The following PCDHGA9 variants were observed in gnomAD, a reference collection of about 807,000 sequenced individuals.
The protein encoded by PCDHGA9 is protocadherin gamma subfamily A, 9.
Under a neutral mutation model 62.5 loss-of-function variants are expected in PCDHGA9, and 37 were observed. The ratio of observed to expected loss-of-function variants is 0.59; its 90% CI spans 0.46 to 0.78. The LOEUF is 0.78. Ranked by LOEUF, PCDHGA9 falls within the 30% of genes least tolerant of loss-of-function variation. The pLI is 0.00. For synonymous variants in PCDHGA9, 459 were observed against 484.6 expected (o/e 0.95, Z 0.69); for missense variants, 1,138 against 1,166.2 (o/e 0.98, Z 0.35).
chr5:141,445,621 G>A (rs1216813961), intron 1 of PCDHGA9, among the ~76,000 whole-genome samples: 4 of 151,996 alleles, frequency 2.6e-5, no homozygotes, highest in African/African-American at 7.2e-5. Flanking sequence ...TCTTTTTTTC[G>A]GAAAGTGATA....
chr5:141,413,748 T>C (rs1264580781), intron 1 of PCDHGA9: 2 of 1,613,288 alleles, frequency 1.2e-6, no homozygotes, highest in Non-Finnish European at 1.7e-6. Context: ...GCCGTGCCAA[T>C]GGCGTCAAGT....
chr5:141,422,746 T>G (rs763386007), intron 1 of PCDHGA9: 1 of 1,611,014 alleles, frequency 6.2e-7, no homozygotes, highest in Non-Finnish European at 8.5e-7. Context: ...CTCCTATGTC[T>G]CTATTAACTC....
At chr5:141,478,050 C>T (rs2099429383) in intron 1 of PCDHGA9, 1 of 1,614,066 alleles carries the variant, frequency 6.2e-7, no homozygotes, top group Non-Finnish European at 8.5e-7. Flanking sequence ...CAGACTCTCA[C>T]GGTCTTGATC....
At position 141,490,162 on chromosome 5, in the gene PCDHGA9, A is replaced by G. The variant is rs1371128858; in HGVS notation, c.2425-4645A>G. The G allele has an allele frequency of 1.2e-6, 2 of 1,614,218 alleles. No individual in the cohort carries two copies. The highest frequency in any genetic ancestry group is 1.7e-6 in the Non-Finnish European group (2 of 1,180,028). ...TGGGGCAATCCATGTGTTGGGTCCCATAGACTTTGAGGAGTCACGTTTCTA... is the reference window on the plus strand; with the variant it reads ...TGGGGCAATCCATGTGTTGGGTCCCGTAGACTTTGAGGAGTCACGTTTCTA... On this transcript the variant is annotated intron_variant, in intron 1 of 3. Transcript: ENST00000573521. This position sits in a 1 kb window ranked among gnomAD's most constrained non-coding sequence, Gnocchi z 5.4.
intron 1 of PCDHGA9, chr5:141,419,244 C>T (rs2096349736): frequency 1.2e-6 from 2 of 1,614,008 alleles, no homozygotes; most frequent in Non-Finnish European, 1.7e-6. Context: ...GTCCACGTGC[C>T]AGAAAACAAC....
chr5:141,421,927 C>T (rs1179128418), intron 1 of PCDHGA9: 2 of 1,613,396 alleles, frequency 1.2e-6, no homozygotes, highest in African/African-American at 2.7e-5. Flanking sequence ...TGTGGTGGTC[C>T]TCGATGTAAA....
chr5:141,403,214 G>A lies in PCDHGA9; in HGVS notation c.262G>A (p.Gly88Ser). The change falls in exon 1 of 4, where the codon GGT becomes AGT. Residue 88 changes from glycine to serine, a missense_variant. Coordinates refer to ENST00000573521, the MANE Select transcript of PCDHGA9 (RefSeq NM_018921.3). Reference protein sequence around the residue: ...NPRSGTLVTAGRIDREELCAQ... With the variant: ...NPRSGTLVTASRIDREELCAQ... ...GCGCAGCGGCACCTTGGTCACCGCGGGTAGGATAGACCGGGAGGAGCTCTG... is the reference window on the plus strand; with the variant it reads ...GCGCAGCGGCACCTTGGTCACCGCGAGTAGGATAGACCGGGAGGAGCTCTG... 3.1e-6 allele frequency: 5 copies of A among 1,613,990 alleles called. No individual in the cohort carries two copies. The highest frequency in any genetic ancestry group is 4.2e-6 in the Non-Finnish European group (5 of 1,179,926).
At chr5:141,418,899 T>C (rs1320380997) in intron 1 of PCDHGA9, 1 of 1,613,944 alleles carries the variant, frequency 6.2e-7, no homozygotes. Flanking sequence ...AGCCCAGAAA[T>C]AATCATCACG....
Position 141,489,492 on chromosome 5 carries a change from G to T in PCDHGA9, c.2425-5315G>T, listed in dbSNP as rs1258376136. On this transcript the variant is annotated intron_variant, in intron 1 of 3. Coordinates refer to ENST00000573521, the MANE Select transcript of PCDHGA9 (RefSeq NM_018921.3). The surrounding 1 kb of genome is among the most constrained non-coding windows in gnomAD (Gnocchi z 4.5). ...CCCTGAGCTTGATGAGTGGTGCCCT[G>T]GCAGTGAATCAAAAGATTGACCGAG... 1 of 1,614,042 alleles carries T rather than the reference G, an allele frequency of 6.2e-7. No individual in the cohort carries two copies. The highest frequency in any genetic ancestry group is 1.1e-5 in the South Asian group (1 of 91,078).
chr5:141,422,074 C>T (rs886758924), intron 1 of PCDHGA9: 8 of 1,612,146 alleles, frequency 5.0e-6, no homozygotes, highest in African/African-American at 4.0e-5. Context: ...GTATTCATTT[C>T]GGAACATGGA....
intron 1 of PCDHGA9, chr5:141,424,478 G>A (rs953233220): frequency 3.3e-5 from 5 of 151,898 alleles, no homozygotes; most frequent in Admixed American, 6.6e-5. Context: ...CTTTTACTTT[G>A]GTGTCTGTGT....
intron 1 of PCDHGA9, chr5:141,479,313 G>C (rs926148640): frequency 2.0e-5 from 3 of 152,456 alleles, no homozygotes; most frequent in Non-Finnish European, 2.9e-5. Context: ...AAAACATAAA[G>C]TAGCCAGACT....
chr5:141,421,592 T>C (rs1590304832), intron 1 of PCDHGA9: 1 of 1,613,272 alleles, frequency 6.2e-7, no homozygotes, highest in Non-Finnish European at 8.5e-7. Context: ...GGAGTGGAGG[T>C]GGAAATAATA....
intron 1 of PCDHGA9, among the ~76,000 whole-genome samples, chr5:141,436,122 C>T (rs909678739): frequency 4.6e-5 from 7 of 152,128 alleles, no homozygotes; most frequent in African/African-American, 7.2e-5. Flanking sequence ...AACCTCTCTC[C>T]TCCATCATCT....
At chr5:141,464,657 T>G (rs575409062) in intron 1 of PCDHGA9, among the ~76,000 whole-genome samples, 1 of 152,312 alleles carries the variant, frequency 6.6e-6, no homozygotes, top group South Asian at 2.1e-4. Context: ...GGTAAAAAGA[T>G]ATCTCCAAAT....
intron 1 of PCDHGA9, chr5:141,414,557 A>C: frequency 6.2e-7 from 1 of 1,613,906 alleles, no homozygotes. Flanking sequence ...CAAGTCTCCT[A>C]CTTTACCTAT....
Position 141,476,538 on chromosome 5 carries a change from A to G in PCDHGA9, c.2425-18269A>G, listed in dbSNP as rs2099393283. ...CCTGCTTTCCCTACCCAGGAAATGAAATTGGAGATTAGCGAGGCCGTGGCT... is the reference window on the plus strand; with the variant it reads ...CCTGCTTTCCCTACCCAGGAAATGAGATTGGAGATTAGCGAGGCCGTGGCT... On this transcript the variant is annotated intron_variant, in intron 1 of 3. Coordinates refer to ENST00000573521, the MANE Select transcript of PCDHGA9 (RefSeq NM_018921.3). The surrounding 1 kb of genome is among the most constrained non-coding windows in gnomAD (Gnocchi z 7.6). 1.2e-6 allele frequency: 2 copies of G among 1,614,162 alleles called. No homozygotes were observed. Among genetic ancestry groups the G allele is most frequent in the Non-Finnish European group, 1.7e-6 (2 of 1,180,042 alleles).
chr5:141,506,246 C>T (rs1049014492), intron 3 of PCDHGA9, among the ~76,000 whole-genome samples: 3 of 151,958 alleles, frequency 2.0e-5, no homozygotes, highest in South Asian at 4.2e-4. Context: ...GTCAGGAGTT[C>T]GAAACCGGCC....
In PCDHGA9 at chr5:141,487,715, C is replaced by T. The variant is rs1209272301; in HGVS notation, c.2425-7092C>T. 2.5e-6 allele frequency: 4 copies of T among 1,582,708 alleles called. No individual in the cohort carries two copies. The highest frequency in any genetic ancestry group is 1.8e-5 in the Admixed American group (1 of 54,696). The stretch of plus-strand genomic sequence containing the variant: ...GAGTACTGGCCTCTCAGTAAGTGCC[C>T]ATAGTGATGTCACCATTTTTGTAAG... On this transcript the variant is annotated intron_variant, in intron 1 of 3. Transcript: ENST00000573521. This position sits in a 1 kb window ranked among gnomAD's most constrained non-coding sequence, Gnocchi z 5.0.
Sources: allele counts gnomAD v4.1 joint callset (sites outside exome capture counted in the v4.1 genomes callset), GRCh38; gene constraint gnomAD v4.1.1; non-coding constraint Gnocchi (gnomAD v3.1); transcripts MANE v1.5; gene names NCBI Gene and HGNC (gene_info 2026-07-23, HGNC 2026-07-21).